Variants in RASAL2 observed in about 807,000 individuals in gnomAD.
RASAL2 encodes RAS protein activator like 2, also known as ras GTPase-activating protein nGAP.
Under a neutral mutation model 128.9 loss-of-function variants are expected in RASAL2, and 58 were observed. The observed-to-expected ratio is 0.45, with a 90% CI of 0.36 to 0.56. RASAL2 has a LOEUF of 0.56. RASAL2 is among the 20% of genes least tolerant of loss of function. The probability of loss-of-function intolerance (pLI) is 0.00; values close to 1 mark genes in which losing one functional copy is unlikely to be tolerated. For missense variants in RASAL2, 1,360 were observed against 1,601.6 expected (o/e 0.85, Z 2.57); for synonymous variants, 561 against 580.8 (o/e 0.97, Z 0.49).
intron 1 of RASAL2, among the ~76,000 whole-genome samples, chr1:178,095,316 T>C (rs1658633863): frequency 6.6e-6 from 1 of 152,232 alleles, no homozygotes; most frequent in African/African-American, 2.4e-5. Context: ...ACACTAAAAC[T>C]TTCCCTTTCT....
intron 3 of RASAL2, among the ~76,000 whole-genome samples, chr1:178,384,882 T>A (rs1470235383): frequency 6.6e-6 from 1 of 152,152 alleles, no homozygotes; most frequent in Admixed American, 6.5e-5. Context: ...ATAAGAAATT[T>A]ATGTTATTTA....
At chr1:178,295,192 T>C in intron 2 of RASAL2, among the ~76,000 whole-genome samples, 1 of 151,478 alleles carries the variant, frequency 6.6e-6, no homozygotes, top group Non-Finnish European at 1.5e-5. Flanking sequence ...TTCTCAACTT[T>C]GCATGTCTAG....
At chr1:178,464,515 C>A (rs561570261) in intron 15 of RASAL2, 103 bp downstream of exon 15, 2 of 1,347,490 alleles carry the variant, frequency 1.5e-6, no homozygotes, top group East Asian at 4.7e-5. Flanking sequence ...CCATCTTCAC[C>A]TCTACCCCTT....
chr1:178,131,853 A>G (rs567755888), intron 1 of RASAL2, among the ~76,000 whole-genome samples: 2 of 152,336 alleles, frequency 1.3e-5, no homozygotes, highest in African/African-American at 4.8e-5. Flanking sequence ...TGACATGTTT[A>G]TAAAAGTAAC....
chr1:178,130,947 G>A (rs1490517865), intron 1 of RASAL2, among the ~76,000 whole-genome samples: 1 of 151,862 alleles, frequency 6.6e-6, no homozygotes, highest in Non-Finnish European at 1.5e-5. Flanking sequence ...CCAGCTACTC[G>A]GGAGGCTGAG....
intron 1 of RASAL2, among the ~76,000 whole-genome samples, chr1:178,244,244 A>AT (rs905802489): frequency 4.1e-4 from 61 of 148,794 alleles, no homozygotes; most frequent in Non-Finnish European, 4.3e-4. Flanking sequence ...CTTTTATTTC[A>AT]TTTTTTTTTT....
intron 1 of RASAL2, among the ~76,000 whole-genome samples, chr1:178,266,041 A>ATT (rs1665931784): frequency 6.6e-6 from 1 of 152,140 alleles, no homozygotes; most frequent in African/African-American, 2.4e-5. Flanking sequence ...GCTTTTGGCA[A>ATT]TTTTGAATAG....
chr1:178,443,276 T>C, intron 8 of RASAL2, 47 bp downstream of exon 8: 2 of 1,465,034 alleles, frequency 1.4e-6, no homozygotes, highest in Non-Finnish European at 1.9e-6. Context: ...CTTCCCTACC[T>C]TTCATAAACC....
chr1:178,114,417 A>G (rs951819627), intron 1 of RASAL2, among the ~76,000 whole-genome samples: 20 of 152,094 alleles, frequency 1.3e-4, no homozygotes, highest in African/African-American at 3.9e-4. Flanking sequence ...TTAAATTAGA[A>G]GTGGATGTTG....
chr1:178,167,269 T>G (rs536438425), intron 1 of RASAL2, among the ~76,000 whole-genome samples: 117 of 152,232 alleles, frequency 7.7e-4, no homozygotes, highest in Admixed American at 1.5e-3. Context: ...GATAAAGCAG[T>G]AACAGAATCA....
intron 8 of RASAL2, among the ~76,000 whole-genome samples, chr1:178,444,535 A>T (rs1676867132): frequency 6.6e-6 from 1 of 152,204 alleles, no homozygotes; most frequent in Admixed American, 6.6e-5. Context: ...ATATCCAATA[A>T]TTATATAGCA....
chr1:178,377,172 T>G (rs1287660895), intron 3 of RASAL2, among the ~76,000 whole-genome samples: 1 of 152,140 alleles, frequency 6.6e-6, no homozygotes, highest in Non-Finnish European at 1.5e-5. Context: ...AGTTTCTAAA[T>G]GACTCTGTTG....
intron 6 of RASAL2, among the ~76,000 whole-genome samples, chr1:178,440,374 G>C (rs1676552045): frequency 6.6e-6 from 1 of 151,802 alleles, no homozygotes; most frequent in African/African-American, 2.4e-5. Flanking sequence ...CAATCTGCAT[G>C]CATATCCAAA....
At chr1:178,408,709 G>C (rs1029174593) in intron 4 of RASAL2, among the ~76,000 whole-genome samples, 2 of 151,530 alleles carry the variant, frequency 1.3e-5, no homozygotes, top group Non-Finnish European at 2.9e-5. Flanking sequence ...CTATAATAAG[G>C]TATGTGTAGA....
intron 1 of RASAL2, among the ~76,000 whole-genome samples, chr1:178,129,474 T>A (rs1304271326): frequency 6.6e-6 from 1 of 152,136 alleles, no homozygotes; most frequent in Non-Finnish European, 1.5e-5. Flanking sequence ...ATGAATTCTT[T>A]ATATATTCTG....
intron 3 of RASAL2, among the ~76,000 whole-genome samples, chr1:178,317,968 G>A (rs1386633770): frequency 5.3e-5 from 8 of 150,708 alleles, no homozygotes; most frequent in Admixed American, 1.3e-4. Context: ...CTTTGAATGC[G>A]TCCCAGAGAT....
intron 1 of RASAL2, among the ~76,000 whole-genome samples, chr1:178,098,573 C>T (rs1291956243): frequency 1.3e-5 from 2 of 152,100 alleles, no homozygotes; most frequent in Non-Finnish European, 2.9e-5. Context: ...ATCCCAATCT[C>T]TAGGATTGCC....
intron 1 of RASAL2, among the ~76,000 whole-genome samples, chr1:178,117,256 C>T (rs1173140927): frequency 3.3e-5 from 5 of 152,030 alleles, no homozygotes; most frequent in Admixed American, 6.6e-5. Flanking sequence ...TATGATTTAA[C>T]CTGAGTAGCT....
chr1:178,369,921 A>G (rs1367833036), intron 3 of RASAL2, among the ~76,000 whole-genome samples: 1 of 152,230 alleles, frequency 6.6e-6, no homozygotes, highest in East Asian at 1.9e-4. Context: ...AATAACAATG[A>G]AAGTACGGAC....
Sources: gnomAD v4.1 joint callset for allele counts (sites outside exome capture counted in the v4.1 genomes callset) on GRCh38, gnomAD v4.1.1 for gene constraint, MANE v1.5 for transcripts, NCBI Gene and HGNC (gene_info 2026-07-23, HGNC 2026-07-21) for gene names.